The following MACROD2 variants were observed in gnomAD, a reference collection of about 807,000 sequenced individuals.
MACROD2 encodes the protein mono-ADP ribosylhydrolase 2.
In MACROD2, 36 loss-of-function variants were observed where a neutral mutation model predicts 70.4. That is an observed-to-expected ratio of 0.51 (90% confidence interval 0.39 to 0.68). The LOEUF (loss-of-function observed/expected upper bound fraction) is 0.68. Ranked by LOEUF, MACROD2 falls within the 30% of genes least tolerant of loss-of-function variation. MACROD2 has a pLI of 0.00. For missense variants in MACROD2, 496 were observed against 538.4 expected (o/e 0.92, Z 0.78); for synonymous variants, 172 against 178.8 (o/e 0.96, Z 0.30).
chr20:14,062,440 C>G (rs1490185287), intron 2 of MACROD2, among the ~76,000 whole-genome samples: 2 of 152,030 alleles, frequency 1.3e-5, no homozygotes, highest in Non-Finnish European at 2.9e-5. Flanking sequence ...GTGAAAAATT[C>G]ACAAAACAGC....
At chr20:14,751,471 G>A (rs893889480) in intron 5 of MACROD2, among the ~76,000 whole-genome samples, 8 of 152,050 alleles carry the variant, frequency 5.3e-5, no homozygotes, top group Admixed American at 2.0e-4. Flanking sequence ...ATTAGTGACC[G>A]ACATCCTTAA....
intron 6 of MACROD2, among the ~76,000 whole-genome samples, chr20:15,394,850 A>G (rs553966621): frequency 6.6e-6 from 1 of 152,326 alleles, no homozygotes; most frequent in African/African-American, 2.4e-5. Context: ...GCTCAGTGAC[A>G]GAAACTTGAC....
chr20:15,466,783 A>C (rs8122567), intron 7 of MACROD2, among the ~76,000 whole-genome samples: 1,587 of 152,306 alleles, frequency 0.01, 25 homozygotes, highest in African/African-American at 0.036. Context: ...CAGCCCTCCA[A>C]AATTATTTTT....
intron 4 of MACROD2, among the ~76,000 whole-genome samples, chr20:14,589,528 C>T (rs1981619891): frequency 6.6e-6 from 1 of 152,070 alleles, no homozygotes; most frequent in African/African-American, 2.4e-5. Flanking sequence ...ATTATATTTT[C>T]CAGTTTTAAC....
intron 15 of MACROD2, among the ~76,000 whole-genome samples, chr20:16,028,203 C>T (rs1312575771): frequency 6.6e-6 from 1 of 152,182 alleles, no homozygotes; most frequent in Non-Finnish European, 1.5e-5. Flanking sequence ...CAAAAGGTGG[C>T]TCACTCTCTC....
chr20:14,859,579 G>T (rs1443719015), intron 5 of MACROD2, among the ~76,000 whole-genome samples: 1 of 151,998 alleles, frequency 6.6e-6, no homozygotes. Flanking sequence ...ATCTTTTAAG[G>T]CAACTATTAA....
intron 6 of MACROD2, among the ~76,000 whole-genome samples, chr20:15,393,614 A>G (rs976605316): frequency 6.6e-6 from 1 of 151,622 alleles, no homozygotes; most frequent in Non-Finnish European, 1.5e-5. Flanking sequence ...TTCTTATTCA[A>G]TTTCATTTCA....
intron 6 of MACROD2, among the ~76,000 whole-genome samples, chr20:15,317,296 A>C (rs2077821503): frequency 6.6e-6 from 1 of 152,114 alleles, no homozygotes; most frequent in South Asian, 2.1e-4. Context: ...GAAAATGGTG[A>C]TATTTCTATA....
chr20:14,604,532 G>T (rs1467766821), intron 4 of MACROD2, among the ~76,000 whole-genome samples: 1 of 152,134 alleles, frequency 6.6e-6, no homozygotes, highest in African/African-American at 2.4e-5. Flanking sequence ...CGTTTAGAAG[G>T]GCTTTCTGCA....
chr20:14,337,322 G>A (rs1005820947), intron 3 of MACROD2: 1 of 321,126 alleles, frequency 3.1e-6, no homozygotes, highest in East Asian at 4.7e-5. Flanking sequence ...ATTTCTCATA[G>A]TATCAAGTCG....
chr20:14,855,241 C>T (rs1326604229), intron 5 of MACROD2, among the ~76,000 whole-genome samples: 2 of 152,106 alleles, frequency 1.3e-5, no homozygotes, highest in African/African-American at 2.4e-5. Flanking sequence ...GATTTTACAG[C>T]ATCTCAAAAT....
intron 16 of MACROD2, among the ~76,000 whole-genome samples, chr20:16,041,576 C>T (rs1486002271): frequency 2.6e-5 from 4 of 151,870 alleles, no homozygotes; most frequent in Non-Finnish European, 5.9e-5. Flanking sequence ...ATCTAGTGAA[C>T]TTTATGGAAG....
intron 5 of MACROD2, among the ~76,000 whole-genome samples, chr20:14,956,289 G>A (rs2423873): frequency 0.22 from 33,343 of 151,926 alleles, 5,017 homozygotes; most frequent in African/African-American, 0.4. Context: ...ACTCAATGAC[G>A]AATGCTTCTG....
chr20:14,825,730 A>G (rs918808976), intron 5 of MACROD2, among the ~76,000 whole-genome samples: 2 of 152,146 alleles, frequency 1.3e-5, no homozygotes, highest in African/African-American at 4.8e-5. Context: ...ATATGAGCCA[A>G]TTTTCACAAT....
At chr20:14,280,002 C>G (rs2082294027) in intron 3 of MACROD2, among the ~76,000 whole-genome samples, 1 of 152,158 alleles carries the variant, frequency 6.6e-6, no homozygotes, top group Non-Finnish European at 1.5e-5. Flanking sequence ...AAGAGGGTAT[C>G]ACTTTCAATT....
chr20:15,958,728 G>C (rs1011301862), intron 12 of MACROD2, among the ~76,000 whole-genome samples: 1 of 152,192 alleles, frequency 6.6e-6, no homozygotes, highest in East Asian at 1.9e-4. Flanking sequence ...CCTCCAACGT[G>C]ATGGTATTTG....
intron 5 of MACROD2, among the ~76,000 whole-genome samples, chr20:15,088,705 T>C (rs1278786444): frequency 3.3e-5 from 5 of 151,258 alleles, no homozygotes; most frequent in Non-Finnish European, 5.9e-5. Context: ...TTGATTTGTT[T>C]CACATGTCAT....
At chr20:15,762,118 GGT>G (rs2146999785) in intron 8 of MACROD2, among the ~76,000 whole-genome samples, 1 of 152,192 alleles carries the variant, frequency 6.6e-6, no homozygotes, top group South Asian at 2.1e-4. Flanking sequence ...GCTATTTCTA[GGT>G]TTGAATAATA....
At chr20:15,886,693 C>T (rs982153452) in intron 10 of MACROD2, among the ~76,000 whole-genome samples, 2 of 152,054 alleles carry the variant, frequency 1.3e-5, no homozygotes, top group African/African-American at 2.4e-5. Context: ...TTCAGTGTGT[C>T]TTTGATAATA....
Sources: gnomAD v4.1 joint callset for allele counts (sites outside exome capture counted in the v4.1 genomes callset) on GRCh38, gnomAD v4.1.1 for gene constraint, MANE v1.5 for transcripts, NCBI Gene and HGNC (gene_info 2026-07-23, HGNC 2026-07-21) for gene names.